PAIP2B: variants seen among roughly 807,000 people sequenced by gnomAD.
PAIP2B encodes the protein poly(A) binding protein interacting protein 2B.
PAIP2B carries 13 observed loss-of-function variants against 17.0 expected under a neutral mutation model. That is an observed-to-expected ratio of 0.76 (90% CI 0.50 to 1.22). PAIP2B has a LOEUF of 1.22. PAIP2B is among the 50% of genes most tolerant of loss of function. PAIP2B has a pLI of 0.00. For missense variants in PAIP2B, 117 were observed against 144.5 expected (o/e 0.81, Z 0.98); for synonymous variants, 43 against 48.7 (o/e 0.88, Z 0.48).
intron 1 of PAIP2B, among the ~76,000 whole-genome samples, chr2:71,217,564 T>A (rs1194515062): frequency 6.6e-6 from 1 of 152,172 alleles, no homozygotes; most frequent in Non-Finnish European, 1.5e-5. Context: ...CCAGGCAAAG[T>A]TTTACTGTAT....
rs187035515 is a variant in PAIP2B at position 71,208,002 on chromosome 2, T to C, written c.-11-5402A>G. ...GAGAAGTCTGCCTAAATATAGGAAG[T>C]TGGAGTAGTCGTTTATATAAATGGT... On this transcript the variant is annotated intron_variant, in intron 1 of 3. Coordinates refer to ENST00000244221, the MANE Select transcript of PAIP2B (RefSeq NM_020459.1). Among the ~76,000 whole-genome samples, 1,118 of 152,182 alleles carry C rather than the reference T, an allele frequency of 7.3e-3. 19 individuals carry two copies. Among genetic ancestry groups the C allele is most frequent in the Non-Finnish European group, 0.011 (747 of 67,982 alleles).
At chr2:71,192,262 A>ATTTT (rs56380844) in intron 2 of PAIP2B, among the ~76,000 whole-genome samples, 2 of 142,216 alleles carry the variant, frequency 1.4e-5, no homozygotes, top group Non-Finnish European at 3.1e-5. Context: ...TAGATACTGC[A>ATTTT]TTTTTTTTTT....
intron 1 of PAIP2B, among the ~76,000 whole-genome samples, chr2:71,218,814 A>G (rs1240114918): frequency 6.6e-6 from 1 of 152,186 alleles, no homozygotes; most frequent in Non-Finnish European, 1.5e-5. Flanking sequence ...AAAAGACTAT[A>G]TTTTATGATT....
chr2:71,209,135 G>C (rs1675222483), intron 1 of PAIP2B, among the ~76,000 whole-genome samples: 1 of 152,130 alleles, frequency 6.6e-6, no homozygotes, highest in Non-Finnish European at 1.5e-5. Context: ...ACCTTAATGA[G>C]AGCGGTTTCC....
intron 2 of PAIP2B, among the ~76,000 whole-genome samples, chr2:71,198,945 T>C (rs905957777): frequency 2.6e-5 from 4 of 152,224 alleles, no homozygotes; most frequent in Admixed American, 6.5e-5. Context: ...CTCCTGAATC[T>C]TGATGATCTT....
At chr2:71,206,976 C>T (rs779571978) in intron 1 of PAIP2B, among the ~76,000 whole-genome samples, 14 of 152,184 alleles carry the variant, frequency 9.2e-5, no homozygotes, top group Admixed American at 2.6e-4. Context: ...CTCTCAGCTA[C>T]ATCTTAACAA....
chr2:71,206,967 T>C (rs1344956976), intron 1 of PAIP2B, among the ~76,000 whole-genome samples: 5 of 152,352 alleles, frequency 3.3e-5, no homozygotes, highest in East Asian at 3.9e-4. Context: ...TTTTGCTTTC[T>C]CTCAGCTACA....
intron 1 of PAIP2B, among the ~76,000 whole-genome samples, chr2:71,220,596 G>A (rs931620094): frequency 1.1e-4 from 16 of 152,176 alleles, no homozygotes; most frequent in Middle Eastern, 3.2e-3. Flanking sequence ...AATTCCTTCA[G>A]TCTGTCCTAT....
At chr2:71,214,699 A>C (rs1208011527) in intron 1 of PAIP2B, among the ~76,000 whole-genome samples, 3 of 152,206 alleles carry the variant, frequency 2.0e-5, no homozygotes, top group Admixed American at 2.0e-4. Context: ...TTTGCTCAGA[A>C]ATATTAATGT....
At chr2:71,197,077 G>A (rs546536333) in intron 2 of PAIP2B, among the ~76,000 whole-genome samples, 1 of 152,256 alleles carries the variant, frequency 6.6e-6, no homozygotes, top group African/African-American at 2.4e-5. Flanking sequence ...TGGTTATTAT[G>A]TTGGCCTGTT....
chr2:71,199,835 G>A (rs1674934507), intron 2 of PAIP2B, among the ~76,000 whole-genome samples: 1 of 152,132 alleles, frequency 6.6e-6, no homozygotes, highest in Admixed American at 6.5e-5. Flanking sequence ...AGTCCAGCCT[G>A]GGCAACATAG....
chr2:71,218,810 C>G (rs1045534372), intron 1 of PAIP2B, among the ~76,000 whole-genome samples: 6 of 151,918 alleles, frequency 3.9e-5, no homozygotes, highest in Middle Eastern at 3.4e-3. Flanking sequence ...TGACAAAAGA[C>G]TATATTTTAT....
chr2:71,208,495 T>C (rs746027033), intron 1 of PAIP2B, among the ~76,000 whole-genome samples: 2 of 148,812 alleles, frequency 1.3e-5, no homozygotes, highest in Non-Finnish European at 3.0e-5. Context: ...ACCCAGAGAG[T>C]TGAGAAGACA....
chr2:71,206,509 G>C (rs1675132338), intron 1 of PAIP2B, among the ~76,000 whole-genome samples: 1 of 152,114 alleles, frequency 6.6e-6, no homozygotes. Flanking sequence ...GCACTATCAT[G>C]GTCAAGGGTC....
At chr2:71,221,328 T>C (rs1034520852) in intron 1 of PAIP2B, among the ~76,000 whole-genome samples, 3 of 152,244 alleles carry the variant, frequency 2.0e-5, no homozygotes, top group African/African-American at 7.2e-5. Context: ...TAGTCTCGGT[T>C]TGGAATGATG....
intron 1 of PAIP2B, among the ~76,000 whole-genome samples, chr2:71,206,038 C>A (rs1193838795): frequency 2.0e-5 from 3 of 152,170 alleles, no homozygotes; most frequent in African/African-American, 7.2e-5. Context: ...TAAGCTACTC[C>A]CAGATTCCTG....
chr2:71,221,596 A>G (rs2103829606), intron 1 of PAIP2B, among the ~76,000 whole-genome samples: 1 of 152,370 alleles, frequency 6.6e-6, no homozygotes, highest in South Asian at 2.1e-4. Context: ...ACATGTGTCA[A>G]TTACCTTGTT....
chr2:71,207,743 A>C (rs1675172549), intron 1 of PAIP2B, among the ~76,000 whole-genome samples: 1 of 152,144 alleles, frequency 6.6e-6, no homozygotes, highest in Non-Finnish European at 1.5e-5. Flanking sequence ...AGATGTGGGG[A>C]GTCAGAGTGA....
Position 71,188,391 on chromosome 2 carries a change from G to T in PAIP2B, c.*88C>A. 1 of 655,524 alleles carries T rather than the reference G, an allele frequency of 1.5e-6. No homozygotes were observed. The highest frequency in any genetic ancestry group is 2.6e-6 in the Non-Finnish European group (1 of 389,368). The allele number at this position is 655,524 out of a possible 1,614,324, so 40.6% of individuals were successfully genotyped here. ...CCTTCCCGCTGTGCACCCCTCGCCC[G>T]CCCCATCCCCCTCTTCAGCTCCACC... On this transcript the variant is annotated 3_prime_UTR_variant, in exon 4 of 4. Coordinates refer to ENST00000244221, the MANE Select transcript of PAIP2B (RefSeq NM_020459.1).
Sources: gnomAD v4.1 joint callset for allele counts (sites outside exome capture counted in the v4.1 genomes callset) on GRCh38, gnomAD v4.1.1 for gene constraint, MANE v1.5 for transcripts, NCBI Gene and HGNC (gene_info 2026-07-23, HGNC 2026-07-21) for gene names.